Variants in ELP1 observed in about 807,000 individuals in gnomAD.
The protein encoded by ELP1 is elongator complex protein 1.
Under a neutral mutation model 183.2 loss-of-function variants are expected in ELP1, and 131 were observed. The observed-to-expected ratio is 0.72, with a 90% CI of 0.62 to 0.83. ELP1 has a LOEUF of 0.83. ELP1 is among the 40% of genes least tolerant of loss of function. The probability of loss-of-function intolerance (pLI) is 0.00; values close to 1 mark genes in which losing one functional copy is unlikely to be tolerated. For missense variants in ELP1, 1,550 were observed against 1,594.9 expected (o/e 0.97, Z 0.48); for synonymous variants, 555 against 569.0 (o/e 0.98, Z 0.35).
chr9:108,888,191 T>A (rs972232355), intron 29 of ELP1, among the ~76,000 whole-genome samples: 1 of 152,142 alleles, frequency 6.6e-6, no homozygotes, highest in Non-Finnish European at 1.5e-5. Context: ...TTATATGAAA[T>A]TCTAGATAAT....
In ELP1 at chr9:108,908,378, C is replaced by T; in HGVS notation, c.1387G>A (p.Val463Met). Residue 463 changes from valine (V) to methionine (M), a missense_variant, in exon 13 of 37, where the codon GTG (valine) becomes ATG (methionine). Val to Met is a conservative substitution (Grantham distance 21). Transcript: ENST00000374647. ...CTTCCACCCACAGCTCCCAGTTTCACTGTAGGGTCAGCACTTGGACAATCA... is the reference window on the plus strand; with the variant it reads ...CTTCCACCCACAGCTCCCAGTTTCATTGTAGGGTCAGCACTTGGACAATCA... The part of the protein sequence containing the change: ...CGDCPSADPT[V>M]KLGAVGGSGF... The T allele has an allele frequency of 1.2e-6, 2 of 1,614,126 alleles. No individual in the cohort carries two copies. Among genetic ancestry groups the T allele is most frequent in the Non-Finnish European group, 1.7e-6 (2 of 1,179,982 alleles).
rs1316815729 is a variant in ELP1, at chr9:108,934,061, G to C, written c.-253C>G. 5.5e-6 allele frequency: 1 copy of C among 181,716 alleles called. No homozygotes were observed. Among genetic ancestry groups the C allele is most frequent in the African/African-American group, 2.4e-5 (1 of 41,578 alleles). 11.3% of individuals were successfully genotyped at this position (181,716 alleles called of 1,614,324 possible). A position where few individuals can be genotyped will look rare whatever the true frequency, so the allele number is the denominator to read the frequency against. On this transcript the variant is annotated 5_prime_UTR_variant, in exon 1 of 37. Coordinates refer to ENST00000374647, the MANE Select transcript of ELP1 (RefSeq NM_003640.5). ...GCGCCCTCCAGGGGAAAACGCTGAAGCGCTGCAAAGAAGCCAGCGACTCAA... is the reference window on the plus strand; with the variant it reads ...GCGCCCTCCAGGGGAAAACGCTGAACCGCTGCAAAGAAGCCAGCGACTCAA...
At chr9:108,906,558 G>A in intron 13 of ELP1, 73 bp from the exon 14 acceptor site, 1 of 1,263,488 alleles carries the variant, frequency 7.9e-7, no homozygotes, top group East Asian at 2.4e-5. Context: ...CTGGATGAAG[G>A]AAGACTGAAG....
chr9:108,879,430 T>A lies in ELP1; in HGVS notation c.3572+16A>T. On this transcript the variant is annotated intron_variant, in intron 33 of 36. Transcript: ENST00000374647. ...CCCAGGATATAGTCAATGTGCTGAA[T>A]CAATGTGATACGTACGCTGATATCC... is the stretch of plus-strand genomic sequence containing the variant. 6.4e-7 allele frequency: 1 copy of A among 1,569,102 alleles called. No individual in the cohort carries two copies. The highest frequency in any genetic ancestry group is 1.4e-5 in the African/African-American group (1 of 74,068).
At chr9:108,882,230 G>A in intron 29 of ELP1, 43 bp from the exon 30 acceptor site, 3 of 1,563,818 alleles carry the variant, frequency 1.9e-6, no homozygotes, top group Non-Finnish European at 2.6e-6. Context: ...AAGAGAGCAT[G>A]TCAGATGTCA....
At chr9:108,909,509 G>A (rs372894253) in intron 12 of ELP1, among the ~76,000 whole-genome samples, 22 of 152,174 alleles carry the variant, frequency 1.4e-4, no homozygotes, top group African/African-American at 4.3e-4. Context: ...CTTCCACTTG[G>A]GCACGGAGCC....
At chr9:108,878,555 C>T in intron 34 of ELP1, 68 bp downstream of exon 34, 1 of 1,602,706 alleles carries the variant, frequency 6.2e-7, no homozygotes, top group Non-Finnish European at 8.5e-7. Flanking sequence ...CTACTGAACT[C>T]TGCCTGTCTG....
At position 108,926,579 on chromosome 9, in the gene ELP1, G is replaced by T. The variant is rs201460139; in HGVS notation, c.410C>A (p.Thr137Lys). ...ATGQQTLIMMTKDFEPILEQQ... is the reference protein window; with the variant it reads ...ATGQQTLIMMKKDFEPILEQQ... ...CTCCAGGATTGGCTCAAAATCTTTT[G>T]TCATCATAATCAGGGTCTGTTGACC... Residue 137 changes from threonine to lysine, a missense_variant, in exon 5 of 37, where the codon ACA becomes AAA. Transcript: ENST00000374647. 4.0e-5 allele frequency: 64 copies of T among 1,612,696 alleles called. No individual in the cohort carries two copies. The highest frequency in any genetic ancestry group is 5.3e-5 in the Non-Finnish European group (62 of 1,179,748).
chr9:108,879,582 A>G, intron 32 of ELP1, 25 bp from the exon 33 acceptor site: 1 of 1,520,078 alleles, frequency 6.6e-7, no homozygotes, highest in East Asian at 2.3e-5. Flanking sequence ...CCAGAAGCCG[A>G]TGAAAACACT....
At chr9:108,908,530 A>C in intron 12 of ELP1, 126 bp from the exon 13 acceptor site, 8 of 732,138 alleles carry the variant, frequency 1.1e-5, no homozygotes, top group Non-Finnish European at 1.7e-5. Flanking sequence ...ATCACATCTC[A>C]ACCTCCTTAA....
At chr9:108,920,170 T>C (rs1181581947) in intron 6 of ELP1, among the ~76,000 whole-genome samples, 1 of 152,220 alleles carries the variant, frequency 6.6e-6, no homozygotes, top group Non-Finnish European at 1.5e-5. Flanking sequence ...AGGGTATTAT[T>C]GAGTCATCTA....
chr9:108,925,549 C>A (rs979664459), intron 5 of ELP1, among the ~76,000 whole-genome samples: 3 of 152,084 alleles, frequency 2.0e-5, no homozygotes, highest in Non-Finnish European at 4.4e-5. Flanking sequence ...GACTACTCCC[C>A]ACCCTTATCC....
Position 108,881,736 on chromosome 9 carries a change from T to C in ELP1, c.3315A>G (p.Ile1105Met). 6.3e-7 allele frequency: 1 copy of C among 1,584,130 alleles called. No individual in the cohort carries two copies. Among genetic ancestry groups the C allele is most frequent in the Non-Finnish European group, 8.7e-7 (1 of 1,152,998 alleles). The change falls in exon 31 of 37, where the codon ATA becomes ATG. Residue 1105 changes from isoleucine to methionine, a missense_variant. Coordinates refer to ENST00000374647, the MANE Select transcript of ELP1 (RefSeq NM_003640.5). ...LVYKYNRLDI[I>M]ETNVKPSILE... Reference sequence around the variant, plus strand: ...AAATGGAAGGCTTTACGTTGGTTTCTATAATATCCAGTCTGTTATATTTGT... The same window carrying C: ...AAATGGAAGGCTTTACGTTGGTTTCCATAATATCCAGTCTGTTATATTTGT...
chr9:108,900,111 G>C, intron 19 of ELP1, 149 bp downstream of exon 19: 1 of 787,434 alleles, frequency 1.3e-6, no homozygotes, highest in East Asian at 2.7e-5. Context: ...ACACTCCTTT[G>C]AATAAAGCTA....
At position 108,929,883 on chromosome 9, in the gene ELP1, G is replaced by C. The variant is rs2230786; in HGVS notation, c.189C>G (p.Leu63=). The C allele has an allele frequency of 3.7e-6, 6 of 1,613,750 alleles. No homozygotes were observed. In the African/African-American group the frequency reaches 4.0e-5, roughly 11 times the overall value. ...CAATGCGGCCACTTCCATCCTCTGG[G>C]AGAAAGCCTTCTGCCACCAAAGAAA... ...NEVSLVAEGF[L]PEDGSGRIVG... The change falls in exon 3 of 37, where the codon CTC becomes CTG. Residue 63 remains leucine (L), a synonymous_variant. Transcript: ENST00000374647.
In ELP1 at chr9:108,901,660, C is replaced by T. The variant is rs202085601; in HGVS notation, c.1876G>A (p.Asp626Asn). 5.0e-6 allele frequency: 8 copies of T among 1,614,058 alleles called. No individual in the cohort carries two copies. Among genetic ancestry groups the T allele is most frequent in the Middle Eastern group, 1.6e-4 (1 of 6,084 alleles). Residue 626 changes from aspartate to asparagine, a missense_variant, in exon 17 of 37, where the codon GAC (aspartate) becomes AAC (asparagine). Coordinates refer to ENST00000374647, the MANE Select transcript of ELP1 (RefSeq NM_003640.5). Reference protein sequence around the residue: ...GEEECVLGLTDRCRFFINDIE... With the variant: ...GEEECVLGLTNRCRFFINDIE... ...TCATTGATGAAAAAGCGACACCTGTCAGTCAGACCAAGGACACATTCCTGC... is the reference window on the plus strand; with the variant it reads ...TCATTGATGAAAAAGCGACACCTGTTAGTCAGACCAAGGACACATTCCTGC...
chr9:108,910,822 T>C (rs980017343), intron 12 of ELP1, among the ~76,000 whole-genome samples, 188 bp downstream of exon 12: 9 of 124,016 alleles, frequency 7.3e-5, no homozygotes, highest in South Asian at 2.9e-4. Context: ...TACAAACCAG[T>C]ATAGGATTAA....
In ELP1 at chr9:108,898,847, G is replaced by C. The variant is rs12237534; in HGVS notation, c.2205-98C>G. On this transcript the variant is annotated intron_variant, in intron 20 of 36. Transcript: ENST00000374647. The stretch of plus-strand genomic sequence containing the variant: ...TTATGATACAAACCAGTTATAATCA[G>C]ATTACAGCCCCAATGCCAAGCTGCT... 69,081 of 819,568 alleles carry C rather than the reference G, an allele frequency of 0.084. 3,430 individuals carry two copies. Among genetic ancestry groups the C allele is most frequent in the East Asian group, 0.17 (6,776 of 40,764 alleles). 50.8% of individuals were successfully genotyped at this position (819,568 alleles called of 1,614,324 possible).
At chr9:108,900,222 C>T (rs1426799171) in intron 19 of ELP1, 38 bp downstream of exon 19, 13 of 1,368,152 alleles carry the variant, frequency 9.5e-6, no homozygotes, top group African/African-American at 1.4e-5. Context: ...GGCTGAATGA[C>T]AATCAGACTA....
Sources: gnomAD v4.1 joint callset for allele counts (sites outside exome capture counted in the v4.1 genomes callset) on GRCh38, gnomAD v4.1.1 for gene constraint, MANE v1.5 for transcripts, NCBI Gene and HGNC (gene_info 2026-07-23, HGNC 2026-07-21) for gene names.